Variants in WWP1 observed in about 807,000 individuals in gnomAD.
The protein encoded by WWP1 is WW domain containing E3 ubiquitin protein ligase 1.
A neutral mutation model predicts 130.6 loss-of-function variants in WWP1; 49 were observed. That is an observed-to-expected ratio of 0.38 (90% CI 0.30 to 0.48). WWP1 has a LOEUF of 0.48. Among genes scored for constraint, WWP1 ranks in the 20% least tolerant of loss-of-function variants. The pLI is 0.99. For synonymous variants in WWP1, 332 were observed against 367.8 expected, an observed-to-expected ratio of 0.90 and a Z score of 1.11; for missense variants, 809 against 1,100.6, an observed-to-expected ratio of 0.74 and a Z score of 3.75.
At chr8:86,373,896 G>A in intron 2 of WWP1, 134 bp from the exon 3 acceptor site, 1 of 589,834 alleles carries the variant, frequency 1.7e-6, no homozygotes, top group Non-Finnish European at 2.8e-6. Flanking sequence ...TTCTTTTAAT[G>A]GGATGGTAAT....
chr8:86,381,713 A>G (rs1357909799), intron 5 of WWP1, 84 bp downstream of exon 5: 5 of 1,313,578 alleles, frequency 3.8e-6, no homozygotes, highest in African/African-American at 1.5e-5. Flanking sequence ...AAGCAAAAAC[A>G]TAGTTTTGTA....
chr8:86,354,028 A>G (rs779840878), intron 1 of WWP1, among the ~76,000 whole-genome samples: 2 of 152,234 alleles, frequency 1.3e-5, no homozygotes, highest in African/African-American at 4.8e-5. Context: ...CGTATTGGCT[A>G]TTTAGAGCTC....
chr8:86,381,325 T>G (rs1824973808), intron 4 of WWP1, among the ~76,000 whole-genome samples, 180 bp from the exon 5 acceptor site: 1 of 152,194 alleles, frequency 6.6e-6, no homozygotes, highest in Non-Finnish European at 1.5e-5. Flanking sequence ...TATTTGAAAG[T>G]AAAATATTTT....
chr8:86,365,924 GAAAAGCC>G (rs1254113127), intron 1 of WWP1, among the ~76,000 whole-genome samples: 1 of 152,198 alleles, frequency 6.6e-6, no homozygotes, highest in African/African-American at 2.4e-5. Flanking sequence ...AACCTGGGAA[GAAAAGCC>G]CAATGGGAGA....
rs540688009 is a variant in WWP1 at position 86,467,777 on chromosome 8, C to T, written c.*884C>T. ...CATACAAAAGGTAATGTAAACTCTG[C>T]CACTTTTTTGTGTTCAAAATTTTGG... On this transcript the variant is annotated 3_prime_UTR_variant, in exon 25 of 25. Coordinates refer to ENST00000517970, the MANE Select transcript of WWP1 (RefSeq NM_007013.4). The T allele has an allele frequency of 9.9e-5, 15 of 152,210 alleles. No homozygotes were observed. The highest frequency in any genetic ancestry group is 3.6e-4 in the African/African-American group (15 of 41,540). The allele number at this position is 152,210 out of a possible 1,614,324, so 9.4% of individuals were successfully genotyped here. A position where few individuals can be genotyped will look rare whatever the true frequency, so the allele number is the denominator to read the frequency against.
Position 86,387,209 on chromosome 8 carries a change from AC to A in WWP1, c.334+5583del, listed in dbSNP as rs550776063. On this transcript the variant is annotated intron_variant, in intron 5 of 24. Coordinates refer to ENST00000517970, the MANE Select transcript of WWP1 (RefSeq NM_007013.4). ...TTGGTTGCCATATATATATTAAATG[AC>A]CCTTATTTTCACATTCTTCCATTAG... Among the ~76,000 whole-genome samples the A allele has an allele frequency of 3.1e-3, 468 of 152,228 alleles. 2 individuals carry two copies. Among genetic ancestry groups the A allele is most frequent in the African/African-American group, 0.011 (446 of 41,532 alleles).
At chr8:86,388,974 A>C (rs1825450278) in intron 5 of WWP1, among the ~76,000 whole-genome samples, 2 of 152,182 alleles carry the variant, frequency 1.3e-5, no homozygotes, top group African/African-American at 4.8e-5. Context: ...TTTGGTTCAA[A>C]GCTTCCCATC....
chr8:86,466,026 C>CAGA (rs1812089447), intron 24 of WWP1, among the ~76,000 whole-genome samples: 1 of 152,114 alleles, frequency 6.6e-6, no homozygotes, highest in African/African-American at 2.4e-5. Flanking sequence ...AATGAAGGTA[C>CAGA]AGAAGGGTTC....
At chr8:86,360,119 G>A (rs930161587) in intron 1 of WWP1, among the ~76,000 whole-genome samples, 3 of 150,890 alleles carry the variant, frequency 2.0e-5, no homozygotes, top group African/African-American at 7.4e-5. Context: ...GTTTCTCTTG[G>A]GCAACAGACT....
intron 3 of WWP1, among the ~76,000 whole-genome samples, chr8:86,374,628 A>G (rs1285728569): frequency 6.6e-6 from 1 of 152,220 alleles, no homozygotes; most frequent in African/African-American, 2.4e-5. Flanking sequence ...GATATTTCCA[A>G]TTCATAATAA....
intron 8 of WWP1, 66 bp from the exon 9 acceptor site, chr8:86,411,472 A>G (rs1373530895): frequency 5.6e-6 from 8 of 1,416,886 alleles, no homozygotes; most frequent in African/African-American, 1.4e-5. Context: ...AGTGTAGTCA[A>G]TTGATTAGGT....
At chr8:86,386,840 A>G (rs1367288700) in intron 5 of WWP1, 1 of 152,220 alleles carries the variant, frequency 6.6e-6, no homozygotes, top group Non-Finnish European at 1.5e-5. Context: ...TCACAGTTCT[A>G]GGATCTGGAA....
chr8:86,421,506 G>GA (rs1213160882), intron 9 of WWP1, among the ~76,000 whole-genome samples: 2 of 150,738 alleles, frequency 1.3e-5, no homozygotes, highest in African/African-American at 4.9e-5. Context: ...TTCTTTTTTG[G>GA]GGGGGTTCTC....
At chr8:86,460,855 G>A (rs1240542131) in intron 22 of WWP1, among the ~76,000 whole-genome samples, 2 of 129,436 alleles carry the variant, frequency 1.5e-5, no homozygotes, top group Admixed American at 9.4e-5. Context: ...TGTCGCCCAG[G>A]CTGGAGTGCA....
intron 23 of WWP1, 166 bp downstream of exon 23, chr8:86,461,486 G>A (rs1362163331): frequency 1.5e-6 from 1 of 661,492 alleles, no homozygotes. Context: ...GCACTTGTAA[G>A]ACAAAAATGA....
At chr8:86,457,429 GTCTATCTA>G (rs768730517) in intron 21 of WWP1, among the ~76,000 whole-genome samples, 1 of 42,548 alleles carries the variant, frequency 2.4e-5, no homozygotes, top group East Asian at 9.7e-4. Context: ...CTGTCTGTCT[GTCTATCTA>G]TCTATCTATC....
chr8:86,411,595 C>T lies in WWP1; in HGVS notation c.782C>T (p.Pro261Leu), dbSNP rs1204361361. 6.2e-7 allele frequency: 1 copy of T among 1,614,060 alleles called. No homozygotes were observed. Among genetic ancestry groups the T allele is most frequent in the Non-Finnish European group, 8.5e-7 (1 of 1,179,938 alleles). Residue 261 changes from proline to leucine, a missense_variant, in exon 9 of 25, where the codon CCA (proline) becomes CTA (leucine). By Grantham distance (98) the Pro-to-Leu change is moderately conservative. Transcript: ENST00000517970. ...GATAATGCGTCTGTCACGGGTACTC[C>T]AGTAGTGTCTGAAGAAAATGCCTTG... is the stretch of plus-strand genomic sequence containing the variant. ...PTDNASVTGT[P>L]VVSEENALSP...
At chr8:86,398,718 A>G in intron 7 of WWP1, 80 bp downstream of exon 7, 2 of 1,495,064 alleles carry the variant, frequency 1.3e-6, no homozygotes, top group Non-Finnish European at 1.8e-6. Context: ...ATTTTACCTT[A>G]GTTTAGAATT....
Position 86,398,565 on chromosome 8 carries a change from T to G in WWP1, c.473-7T>G, listed in dbSNP as rs996448443. On this transcript the variant is annotated splice_region_variant and splice_polypyrimidine_tract_variant and intron_variant, in intron 6 of 24. Coordinates refer to ENST00000517970, the MANE Select transcript of WWP1 (RefSeq NM_007013.4). Reference sequence around the variant, plus strand: ...AAAACCTAGTTTTTTTCTTTCTTGTTGTTCAGTAGAAATACAGGAAAATGG... The same window carrying G: ...AAAACCTAGTTTTTTTCTTTCTTGTGGTTCAGTAGAAATACAGGAAAATGG... 2 of 1,612,802 alleles carry G rather than the reference T, an allele frequency of 1.2e-6. No individual in the cohort carries two copies. The highest frequency in any genetic ancestry group is 1.7e-6 in the Non-Finnish European group (2 of 1,179,704).
Sources: gnomAD v4.1 joint callset for allele counts (sites outside exome capture counted in the v4.1 genomes callset) on GRCh38, gnomAD v4.1.1 for gene constraint, MANE v1.5 for transcripts, NCBI Gene and HGNC (gene_info 2026-07-23, HGNC 2026-07-21) for gene names.